The following KIRREL3 variants were observed in gnomAD, a reference collection of about 807,000 sequenced individuals.
KIRREL3 encodes the protein kirre like nephrin family adhesion molecule 3.
KIRREL3 carries 36 observed loss-of-function variants against 89.7 expected under a neutral mutation model. The observed-to-expected ratio is 0.40, with a 90% CI of 0.31 to 0.53. KIRREL3 has a LOEUF of 0.53. Ranked by LOEUF, KIRREL3 falls within the 20% of genes least tolerant of loss-of-function variation. KIRREL3 has a pLI of 0.49. For synonymous variants in KIRREL3, 445 were observed against 441.4 expected, an observed-to-expected ratio of 1.01 and a Z score of -0.10; for missense variants, 864 against 1,056.6, an observed-to-expected ratio of 0.82 and a Z score of 2.53.
Position 126,666,052 on chromosome 11 carries a change from T to C in KIRREL3, c.56-103140A>G, listed in dbSNP as rs141109422. On this transcript the variant is annotated intron_variant, in intron 1 of 16. Coordinates refer to ENST00000525144, the MANE Select transcript of KIRREL3 (RefSeq NM_032531.4). The surrounding 1 kb of genome is among the most constrained non-coding windows in gnomAD (Gnocchi z 4.2). ...GAACTATGATCTGGACCTTTTTATT[T>C]TGAAGGCGCTCCTCGGAGATTCTGA... Among the ~76,000 whole-genome samples the C allele has an allele frequency of 1.9e-3, 290 of 152,336 alleles. 2 individuals carry two copies. In the Middle Eastern group the frequency reaches 0.027, roughly 14 times the overall value.
At chr11:126,846,417 A>T (rs1359708481) in intron 1 of KIRREL3, among the ~76,000 whole-genome samples, 1 of 152,238 alleles carries the variant, frequency 6.6e-6, no homozygotes, top group Non-Finnish European at 1.5e-5. Context: ...TAGAAGCTTA[A>T]ATCAAATATT....
rs1957491723 is a variant in KIRREL3, at chr11:126,490,826, G to C, written c.434-17360C>G. On this transcript the variant is annotated intron_variant, in intron 4 of 16. Coordinates refer to ENST00000525144, the MANE Select transcript of KIRREL3 (RefSeq NM_032531.4). The surrounding 1 kb of genome is among the most constrained non-coding windows in gnomAD (Gnocchi z 4.2). ...GGACTCCAAGGGCCGAGCAGAGCCG[G>C]CAGTAGCATTTGGAGTCAAATAGGA... 1.3e-5 allele frequency among the ~76,000 whole-genome samples: 2 copies of C among 152,144 alleles called. No homozygotes were observed. The highest frequency in any genetic ancestry group is 4.8e-5 in the African/African-American group (2 of 41,422).
intron 4 of KIRREL3, among the ~76,000 whole-genome samples, chr11:126,493,831 T>G (rs1221177709): frequency 6.6e-6 from 1 of 152,004 alleles, no homozygotes; most frequent in Non-Finnish European, 1.5e-5. Context: ...AGCTGCTTCA[T>G]TCCTACTTCT....
chr11:126,568,713 C>T lies in KIRREL3; in HGVS notation c.56-5801G>A, dbSNP rs1190779319. Among the ~76,000 whole-genome samples the T allele has an allele frequency of 6.6e-6, 1 of 152,196 alleles. No individual in the cohort carries two copies. Among genetic ancestry groups the T allele is most frequent in the Non-Finnish European group, 1.5e-5 (1 of 68,046 alleles). ...ACGTTGATTCTAACGGTAAGACCCT[C>T]CTCACATGATTCATATGAAAAGCAA... On this transcript the variant is annotated intron_variant, in intron 1 of 16. Transcript: ENST00000525144. The surrounding 1 kb of genome is among the most constrained non-coding windows in gnomAD (Gnocchi z 4.6).
intron 2 of KIRREL3, among the ~76,000 whole-genome samples, chr11:126,529,582 G>A (rs1187933641): frequency 6.8e-6 from 1 of 146,764 alleles, no homozygotes; most frequent in African/African-American, 2.6e-5. Context: ...CAGACTAGGT[G>A]ACAGAGTGAG....
chr11:126,657,916 C>T (rs1392051342), intron 1 of KIRREL3, among the ~76,000 whole-genome samples: 1 of 152,216 alleles, frequency 6.6e-6, no homozygotes, highest in Admixed American at 6.5e-5. Context: ...TCAAGACCAC[C>T]CAGCCCAGCA....
rs1324070417 is a variant in KIRREL3, at chr11:126,454,934, C to G, written c.848+1415G>C. ...CTGGGCTCTGCCTGGGTTTCTGACT[C>G]CAGTGCTGCTTAATTACGCACTCTG... is the stretch of plus-strand genomic sequence containing the variant. On this transcript the variant is annotated intron_variant, in intron 7 of 16. Coordinates refer to ENST00000525144, the MANE Select transcript of KIRREL3 (RefSeq NM_032531.4). This position sits in a 1 kb window ranked among gnomAD's most constrained non-coding sequence, Gnocchi z 5.8. 6.6e-6 allele frequency among the ~76,000 whole-genome samples: 1 copy of G among 152,204 alleles called. No individual in the cohort carries two copies. Among genetic ancestry groups the G allele is most frequent in the Non-Finnish European group, 1.5e-5 (1 of 68,026 alleles).
rs925520891 is a variant in KIRREL3 at position 126,747,370 on chromosome 11, T to C, written c.56-184458A>G. The stretch of plus-strand genomic sequence containing the variant: ...AGCGTAAGTCCTCCATACTGAAAGC[T>C]AGTACCGTCGTCCCATGCTCTTCCC... On this transcript the variant is annotated intron_variant, in intron 1 of 16. Coordinates refer to ENST00000525144, the MANE Select transcript of KIRREL3 (RefSeq NM_032531.4). This position sits in a 1 kb window ranked among gnomAD's most constrained non-coding sequence, Gnocchi z 4.7. 3.3e-5 allele frequency among the ~76,000 whole-genome samples: 5 copies of C among 152,214 alleles called. No individual in the cohort carries two copies. Among genetic ancestry groups the C allele is most frequent in the African/African-American group, 1.2e-4 (5 of 41,462 alleles).
chr11:126,933,964 A>G (rs1223455721), intron 1 of KIRREL3, among the ~76,000 whole-genome samples: 2 of 150,996 alleles, frequency 1.3e-5, no homozygotes, highest in Non-Finnish European at 2.9e-5. Context: ...ATCAAGTTCT[A>G]AGATTTACAT....
chr11:126,992,852 T>C (rs907158167), intron 1 of KIRREL3, among the ~76,000 whole-genome samples: 5 of 152,206 alleles, frequency 3.3e-5, no homozygotes, highest in African/African-American at 9.6e-5. Context: ...CTCTTTCTGC[T>C]CAAGTCCAGC....
In KIRREL3 at chr11:126,821,351, A is replaced by ATATATATATATATATATATATATG. The variant is rs756545626; in HGVS notation, c.55+179103_55+179104insCATATATATATATATATATATATA. 1.1e-3 allele frequency among the ~76,000 whole-genome samples: 113 copies of ATATATATATATATATATATATATG among 105,174 alleles called. 4 individuals are homozygous for ATATATATATATATATATATATATG. Among genetic ancestry groups the ATATATATATATATATATATATATG allele is most frequent in the African/African-American group, 4.7e-3 (108 of 22,962 alleles). The allele number at this position is 105,174 out of a possible 152,430, so 69.0% of individuals were successfully genotyped here. A position where few individuals can be genotyped will look rare whatever the true frequency, so the allele number is the denominator to read the frequency against. ...ACAGTATATATATATATATATATAT[A>ATATATATATATATATATATATATG]TGTAACTTCCAACCAACATCCCTTC... On this transcript the variant is annotated intron_variant, in intron 1 of 16. Coordinates refer to ENST00000525144, the MANE Select transcript of KIRREL3 (RefSeq NM_032531.4).
intron 1 of KIRREL3, among the ~76,000 whole-genome samples, chr11:126,675,843 G>C (rs1946163223): frequency 2.6e-5 from 4 of 152,202 alleles, no homozygotes; most frequent in Admixed American, 2.6e-4. Context: ...TTAATGAGGA[G>C]AGACTGGAAG....
intron 2 of KIRREL3, among the ~76,000 whole-genome samples, chr11:126,539,498 G>A (rs185178313): frequency 6.6e-6 from 1 of 152,340 alleles, no homozygotes; most frequent in Admixed American, 6.5e-5. Flanking sequence ...AGACTGATCA[G>A]CAAGGTTTTG....
At chr11:126,507,056 T>C (rs1345060254) in intron 4 of KIRREL3, among the ~76,000 whole-genome samples, 1 of 152,202 alleles carries the variant, frequency 6.6e-6, no homozygotes, top group East Asian at 1.9e-4. Flanking sequence ...GAACTACAGA[T>C]ACATGCTACA....
intron 1 of KIRREL3, among the ~76,000 whole-genome samples, chr11:126,818,123 T>C (rs2134444390): frequency 6.6e-6 from 1 of 152,272 alleles, no homozygotes. Context: ...CTGTCAAAGA[T>C]CAGGTTGTAA....
chr11:126,461,564 A>G lies in KIRREL3; in HGVS notation c.742+1593T>C, dbSNP rs142187970. 3.9e-3 allele frequency among the ~76,000 whole-genome samples: 587 copies of G among 152,268 alleles called. 2 individuals are homozygous for G. Among genetic ancestry groups the G allele is most frequent in the Non-Finnish European group, 4.9e-3 (334 of 68,012 alleles). The stretch of plus-strand genomic sequence containing the variant: ...TTAATAGCTGGTGGCAAGACAGTGA[A>G]GATAAAGTCCCCCCCGCCCCAAGAA... On this transcript the variant is annotated intron_variant, in intron 6 of 16. Coordinates refer to ENST00000525144, the MANE Select transcript of KIRREL3 (RefSeq NM_032531.4).
rs866623182 is a variant in KIRREL3 at position 126,744,441 on chromosome 11, C to T, written c.56-181529G>A. 2.0e-5 allele frequency among the ~76,000 whole-genome samples: 3 copies of T among 152,088 alleles called. No homozygotes were observed. The highest frequency in any genetic ancestry group is 2.9e-5 in the Non-Finnish European group (2 of 68,028). ...ATGCAGAACAGGCTGCTGGACTAGA[C>T]GGGGACAAGGAAATGGAGAGGTGGC... On this transcript the variant is annotated intron_variant, in intron 1 of 16. Coordinates refer to ENST00000525144, the MANE Select transcript of KIRREL3 (RefSeq NM_032531.4). The surrounding 1 kb of genome is among the most constrained non-coding windows in gnomAD (Gnocchi z 4.7).
chr11:126,713,747 C>A (rs1050207307), intron 1 of KIRREL3, among the ~76,000 whole-genome samples: 1 of 152,088 alleles, frequency 6.6e-6, no homozygotes, highest in Admixed American at 6.6e-5. Flanking sequence ...GTAGGGGGAT[C>A]TGACCTGGCC....
chr11:126,704,726 G>A lies in KIRREL3; in HGVS notation c.56-141814C>T, dbSNP rs1051615996. Among the ~76,000 whole-genome samples, 6 of 152,330 alleles carry A rather than the reference G, an allele frequency of 3.9e-5. No individual in the cohort carries two copies. The highest frequency in any genetic ancestry group is 2.1e-4 in the South Asian group (1 of 4,822). On this transcript the variant is annotated intron_variant, in intron 1 of 16. Transcript: ENST00000525144. This position sits in a 1 kb window ranked among gnomAD's most constrained non-coding sequence, Gnocchi z 4.2. ...TCCAGGATGGCTCCTGGCTGTCTGCGTTAGCAGGTCACTTTTGGGCTAGCT... is the reference window on the plus strand; with the variant it reads ...TCCAGGATGGCTCCTGGCTGTCTGCATTAGCAGGTCACTTTTGGGCTAGCT...
Sources: gnomAD v4.1 joint callset for allele counts (sites outside exome capture counted in the v4.1 genomes callset) on GRCh38, gnomAD v4.1.1 for gene constraint, Gnocchi (gnomAD v3.1) non-coding constraint, MANE v1.5 for transcripts, NCBI Gene and HGNC (gene_info 2026-07-23, HGNC 2026-07-21) for gene names.